The following CPAMD8 variants were observed in gnomAD, a reference collection of about 807,000 sequenced individuals.
CPAMD8 encodes the protein C3 and PZP-like alpha-2-macroglobulin domain-containing protein 8.
In CPAMD8, 146 loss-of-function variants were observed where a neutral mutation model predicts 224.7. The ratio of observed to expected loss-of-function variants is 0.65; its 90% CI spans 0.57 to 0.75. The LOEUF (loss-of-function observed/expected upper bound fraction) is 0.75, where lower values mean the gene tolerates loss of function less well. CPAMD8 is among the 30% of genes least tolerant of loss of function. The pLI, the probability that CPAMD8 is intolerant of heterozygous loss-of-function variation, is 0.00. For synonymous variants in CPAMD8, 966 were observed against 1,044.6 expected, an observed-to-expected ratio of 0.92 and a Z score of 1.45; for missense variants, 2,301 against 2,537.5, an observed-to-expected ratio of 0.91 and a Z score of 2.00.
chr19:16,906,358 CTT>C (rs1464112993), intron 30 of CPAMD8, among the ~76,000 whole-genome samples: 3 of 37,582 alleles, frequency 8.0e-5, no homozygotes, highest in East Asian at 5.7e-4. Context: ...TTCTTTCTTT[CTT>C]TCTTTCTTTC....
intron 18 of CPAMD8, among the ~76,000 whole-genome samples, chr19:16,961,816 A>G (rs1033150446): frequency 2.0e-5 from 3 of 152,228 alleles, no homozygotes; most frequent in Non-Finnish European, 4.4e-5. Context: ...CGAAGCTTCC[A>G]GAGGAAGGAT....
At chr19:16,952,324 G>A (rs963228442) in intron 19 of CPAMD8, 124 bp from the exon 20 acceptor site, 28 of 642,366 alleles carry the variant, frequency 4.4e-5, no homozygotes, top group Admixed American at 8.8e-5. Context: ...TTAGAAACAA[G>A]CATTGAAGGC....
chr19:17,016,753 C>G (rs1398566666), intron 3 of CPAMD8, among the ~76,000 whole-genome samples: 2 of 151,884 alleles, frequency 1.3e-5, no homozygotes, highest in Non-Finnish European at 2.9e-5. Flanking sequence ...GAGCAAGACT[C>G]TGTCTCCAAA....
Position 16,945,604 on chromosome 19 carries a change from G to C in CPAMD8, c.2738C>G (p.Ala913Gly). 1 of 1,614,168 alleles carries C rather than the reference G, an allele frequency of 6.2e-7. No homozygotes were observed. Among genetic ancestry groups the C allele is most frequent in the Non-Finnish European group, 8.5e-7 (1 of 1,180,016 alleles). ...CACCCCGATGGGGACCCTCCTGTCG[G>C]CGTGATTCTCCTCAGGGTGTTTGCT... is the stretch of plus-strand genomic sequence containing the variant. ...RSSKHPEENH[A>G]DRRVPIGVDH... The change falls in exon 22 of 42, where the codon GCC becomes GGC. Residue 913 changes from alanine (A) to glycine (G), a missense_variant. By Grantham distance (60) the Ala-to-Gly change is moderately conservative (BLOSUM62 0). This residue lies in a region of CPAMD8 where 1,709 missense variants were observed against 1,753.2 expected (regional missense o/e 0.97). Transcript: ENST00000443236.
intron 10 of CPAMD8, among the ~76,000 whole-genome samples, chr19:16,998,179 G>A (rs1297362452): frequency 6.6e-6 from 1 of 152,220 alleles, no homozygotes; most frequent in East Asian, 1.9e-4. Flanking sequence ...AGAGAGATGG[G>A]CTGGGTGTGA....
chr19:16,926,304 C>CTTTTATTTTATTTTAT (rs2053356951), intron 25 of CPAMD8, among the ~76,000 whole-genome samples: 1 of 150,448 alleles, frequency 6.6e-6, no homozygotes, highest in African/African-American at 2.5e-5. Flanking sequence ...TTCTTTCCTT[C>CTTTTATTTTATTTTAT]TTTATTTTAT....
intron 5 of CPAMD8, 91 bp from the exon 6 acceptor site, chr19:17,009,411 AG>A: frequency 6.2e-7 from 1 of 1,604,990 alleles, no homozygotes; most frequent in Middle Eastern, 1.7e-4. Flanking sequence ...TCCCCGGGAC[AG>A]GCAGTCGCTG....
At chr19:16,912,555 C>G (rs2144819493) in intron 29 of CPAMD8, among the ~76,000 whole-genome samples, 1 of 152,280 alleles carries the variant, frequency 6.6e-6, no homozygotes, top group South Asian at 2.1e-4. Flanking sequence ...TTGAGACCAG[C>G]CTGGCCAACA....
At chr19:17,018,960 T>C (rs1055940891) in intron 3 of CPAMD8, among the ~76,000 whole-genome samples, 1 of 150,134 alleles carries the variant, frequency 6.7e-6, no homozygotes, top group African/African-American at 2.5e-5. Context: ...AAAATCTAGC[T>C]GGGGGCTTAG....
chr19:16,990,674 C>T (rs559876355), intron 12 of CPAMD8, among the ~76,000 whole-genome samples: 18 of 151,858 alleles, frequency 1.2e-4, no homozygotes, highest in Admixed American at 2.6e-4. Flanking sequence ...ACCATCCTGG[C>T]CAACATGGTG....
At chr19:16,983,723 A>G (rs1226935464) in intron 13 of CPAMD8, among the ~76,000 whole-genome samples, 1 of 152,192 alleles carries the variant, frequency 6.6e-6, no homozygotes, top group African/African-American at 2.4e-5. Context: ...GGAAATCCAA[A>G]TAAAATCTGG....
chr19:17,023,097 C>T lies in CPAMD8; in HGVS notation c.93-916G>A, dbSNP rs377248177. Among the ~76,000 whole-genome samples, 3 of 152,252 alleles carry T rather than the reference C, an allele frequency of 2.0e-5. No homozygotes were observed. In the South Asian group the frequency reaches 6.2e-4, roughly 32 times the overall value. Reference sequence around the variant, plus strand: ...TCATTTTAAGAACAAACCCTGAAAACAAACCATAGGGCCTCAAACAAAAAG... The same window carrying T: ...TCATTTTAAGAACAAACCCTGAAAATAAACCATAGGGCCTCAAACAAAAAG... On this transcript the variant is annotated intron_variant, in intron 1 of 41. Transcript: ENST00000443236.
At chr19:16,895,124 A>T (rs1246214906) in intron 41 of CPAMD8, 1 of 152,718 alleles carries the variant, frequency 6.5e-6, no homozygotes, top group South Asian at 2.1e-4. Flanking sequence ...AAAATAAAAG[A>T]ATAGGCCTGG....
At chr19:17,009,279 C>T (rs758738200) in intron 6 of CPAMD8, 24 bp downstream of exon 6, 9 of 1,613,758 alleles carry the variant, frequency 5.6e-6, no homozygotes, top group East Asian at 2.2e-5. Flanking sequence ...AAGTCCAAGC[C>T]GAGGAAGGAC....
rs2055210196 is a variant in CPAMD8 at position 16,975,100 on chromosome 19, G to A, written c.2067C>T (p.Phe689=). The A allele has an allele frequency of 6.2e-7, 1 of 1,611,758 alleles. No homozygotes were observed. The highest frequency in any genetic ancestry group is 8.5e-7 in the Non-Finnish European group (1 of 1,179,676). Residue 689 remains phenylalanine, a synonymous_variant, in exon 17 of 42, where the codon TTC becomes TTT. Transcript: ENST00000443236. ...ATCTGAGACCACCTCTCCTTACGGT[G>A]AAGGCAAACCCAGAGTCCTTGGTGA... is the stretch of plus-strand genomic sequence containing the variant. The part of the protein sequence containing the change: ...WGITKDSGFA[F]TETGLVVMTD...
chr19:17,012,332 T>TTCTG (rs1491342179), intron 3 of CPAMD8, among the ~76,000 whole-genome samples: 1 of 140,700 alleles, frequency 7.1e-6, no homozygotes, highest in Non-Finnish European at 1.5e-5. Flanking sequence ...TCTTTTTTCT[T>TTCTG]TCTTTCTTTC....
In CPAMD8 at chr19:17,026,792, C is replaced by G. The variant is rs1241382074; in HGVS notation, c.-150G>C. The G allele has an allele frequency of 1.0e-5, 11 of 1,097,966 alleles. No homozygotes were observed. The highest frequency in any genetic ancestry group is 1.1e-6 in the Non-Finnish European group (1 of 904,038). 68.0% of individuals were successfully genotyped at this position (1,097,966 alleles called of 1,614,324 possible). A position where few individuals can be genotyped will look rare whatever the true frequency, so the allele number is the denominator to read the frequency against. On this transcript the variant is annotated 5_prime_UTR_variant, in exon 1 of 42. Transcript: ENST00000443236. Reference sequence around the variant, plus strand: ...AGTGCGCCCGGCGCCATGCGCCCCGCTCCGCGCCCGGCCAAGCTGGGGCAG... The same window carrying G: ...AGTGCGCCCGGCGCCATGCGCCCCGGTCCGCGCCCGGCCAAGCTGGGGCAG...
rs2052160356 is a variant in CPAMD8, at chr19:16,899,445, GCCT to G, written c.4848+27_4848+29del. ...CCTCACCAACATGCACACCAGGGAA[GCCT>G]CCTCCACCAACCCCGGCTGGTGGTA... On this transcript the variant is annotated intron_variant, in intron 37 of 41. Coordinates refer to ENST00000443236, the MANE Select transcript of CPAMD8 (RefSeq NM_015692.5). This position sits in a 1 kb window ranked among gnomAD's most constrained non-coding sequence, Gnocchi z 5.4. The G allele has an allele frequency of 3.6e-6, 4 of 1,101,628 alleles. No homozygotes were observed. Among genetic ancestry groups the G allele is most frequent in the Non-Finnish European group, 5.6e-6 (4 of 712,910 alleles). The allele number at this position is 1,101,628 out of a possible 1,614,324, so 68.2% of individuals were successfully genotyped here. A position where few individuals can be genotyped will look rare whatever the true frequency, so the allele number is the denominator to read the frequency against.
intron 27 of CPAMD8, among the ~76,000 whole-genome samples, chr19:16,919,650 A>G (rs1490498487): frequency 6.6e-6 from 1 of 152,246 alleles, no homozygotes; most frequent in Non-Finnish European, 1.5e-5. Context: ...ACAGCAGTGG[A>G]TAACTATTGC....
Sources: allele counts gnomAD v4.1 joint callset (sites outside exome capture counted in the v4.1 genomes callset), GRCh38; gene constraint gnomAD v4.1.1; regional missense constraint gnomAD v4.1.1; non-coding constraint Gnocchi (gnomAD v3.1); transcripts MANE v1.5; gene names NCBI Gene and HGNC (gene_info 2026-07-23, HGNC 2026-07-21).